DIP2C: variants seen among roughly 807,000 people sequenced by gnomAD.
The protein encoded by DIP2C is DIP2 acetate--CoA ligase C (putative).
A neutral mutation model predicts 192.4 loss-of-function variants in DIP2C; 33 were observed. The ratio of observed to expected loss-of-function variants is 0.17; its 90% CI spans 0.13 to 0.23. The LOEUF is 0.23. DIP2C is among the 10% of genes least tolerant of loss of function. DIP2C has a pLI of 1.00. For synonymous variants in DIP2C, 979 were observed against 864.1 expected, an observed-to-expected ratio of 1.13 and a Z score of -2.33; for missense variants, 1,537 against 2,110.1, an observed-to-expected ratio of 0.73 and a Z score of 5.32.
intron 1 of DIP2C, among the ~76,000 whole-genome samples, chr10:539,044 C>T (rs139217763): frequency 1.3e-5 from 2 of 151,944 alleles, no homozygotes; most frequent in Non-Finnish European, 2.9e-5. Context: ...ATCTGTTCTA[C>T]GAGCTCAGTT....
chr10:479,079 C>G (rs1843394978), intron 2 of DIP2C, among the ~76,000 whole-genome samples: 1 of 152,174 alleles, frequency 6.6e-6, no homozygotes, highest in Non-Finnish European at 1.5e-5. Context: ...TCAGGTCTGT[C>G]CCAGAGCAGT....
At chr10:537,733 G>A (rs1847771852) in intron 1 of DIP2C, among the ~76,000 whole-genome samples, 1 of 152,150 alleles carries the variant, frequency 6.6e-6, no homozygotes, top group African/African-American at 2.4e-5. Context: ...CCATTGCTCT[G>A]GCAATAAGCA....
At chr10:507,691 T>G (rs1845712671) in intron 1 of DIP2C, among the ~76,000 whole-genome samples, 1 of 152,216 alleles carries the variant, frequency 6.6e-6, no homozygotes, top group African/African-American at 2.4e-5. Context: ...ACGATACATA[T>G]GCGCACAGGT....
chr10:373,064 A>G (rs564331878), intron 17 of DIP2C, among the ~76,000 whole-genome samples: 5 of 152,346 alleles, frequency 3.3e-5, no homozygotes, highest in Non-Finnish European at 7.4e-5. Context: ...ATTCGGGCAC[A>G]GAAAGGTTGA....
rs1035350409 is a variant in DIP2C, at chr10:275,238, C to G, written c.*2087G>C. 1 of 152,236 alleles carries G rather than the reference C, an allele frequency of 6.6e-6. No individual in the cohort carries two copies. The highest frequency in any genetic ancestry group is 2.4e-5 in the African/African-American group (1 of 41,448). 9.4% of individuals were successfully genotyped at this position (152,236 alleles called of 1,614,324 possible). On this transcript the variant is annotated 3_prime_UTR_variant, in exon 37 of 37. Transcript: ENST00000280886. Reference sequence around the variant, plus strand: ...TTCATAGTCAGTGCCTGGCCTGAAGCCCCAAACCTACCTCCCTTTCAACAA... The same window carrying G: ...TTCATAGTCAGTGCCTGGCCTGAAGGCCCAAACCTACCTCCCTTTCAACAA...
intron 31 of DIP2C, among the ~76,000 whole-genome samples, chr10:312,746 G>A (rs774207146): frequency 6.6e-6 from 1 of 152,116 alleles, no homozygotes; most frequent in Non-Finnish European, 1.5e-5. Flanking sequence ...AAAGTAACTC[G>A]CCAATAAAGG....
Position 440,846 on chromosome 10 carries a change from CCGTGTCGGGGAG to C in DIP2C, c.394+13_394+24del, listed in dbSNP as rs1333565904. The C allele has an allele frequency of 1.2e-6, 2 of 1,600,850 alleles. No homozygotes were observed. The highest frequency in any genetic ancestry group is 2.3e-5 in the South Asian group (2 of 88,586). ...TGAGGTGCCCGGCACATTCAGGAGG[CCGTGTCGGGGAG>C]CGTGTCCCTTACCTGGAGGGGTGTA... On this transcript the variant is annotated intron_variant, in intron 4 of 36. Transcript: ENST00000280886.
intron 1 of DIP2C, among the ~76,000 whole-genome samples, chr10:537,249 G>A (rs1320783580): frequency 6.6e-6 from 1 of 152,142 alleles, no homozygotes; most frequent in East Asian, 1.9e-4. Flanking sequence ...GAGGCAGTGG[G>A]ATCTAGAGCC....
intron 10 of DIP2C, among the ~76,000 whole-genome samples, chr10:394,159 C>T (rs1180362182): frequency 6.6e-6 from 1 of 152,224 alleles, no homozygotes; most frequent in Non-Finnish European, 1.5e-5. Flanking sequence ...GACAAATCAA[C>T]CACAGTGCCC....
chr10:435,741 C>T (rs1967126379), intron 4 of DIP2C, among the ~76,000 whole-genome samples: 1 of 152,186 alleles, frequency 6.6e-6, no homozygotes, highest in South Asian at 2.1e-4. Context: ...ACCTGAAACT[C>T]CCCAACTCCA....
At chr10:428,900 G>A (rs1966761185) in intron 4 of DIP2C, among the ~76,000 whole-genome samples, 1 of 151,962 alleles carries the variant, frequency 6.6e-6, no homozygotes. Flanking sequence ...AAACCCACCA[G>A]CAAAATTTCT....
chr10:513,551 C>T lies in DIP2C; in HGVS notation c.86-27021G>A, dbSNP rs557454467. On this transcript the variant is annotated intron_variant, in intron 1 of 36. Transcript: ENST00000280886. ...ACCGCAGCCCATGCTTCTTGTCCAC[C>T]GTGCCACACCGCGGTCCACTGCGCC... Among the ~76,000 whole-genome samples the T allele has an allele frequency of 7.2e-4, 109 of 152,284 alleles. 1 individual carries two copies. Among genetic ancestry groups the T allele is most frequent in the African/African-American group, 2.2e-3 (91 of 41,574 alleles).
chr10:383,989 G>T (rs777081954), intron 16 of DIP2C, 38 bp downstream of exon 16: 1 of 1,445,436 alleles, frequency 6.9e-7, no homozygotes, highest in Non-Finnish European at 9.1e-7. Context: ...AGACTCCACA[G>T]CCCGCCTGCC....
intron 1 of DIP2C, among the ~76,000 whole-genome samples, chr10:499,024 C>G (rs1300662820): frequency 2.6e-5 from 4 of 152,216 alleles, no homozygotes; most frequent in Non-Finnish European, 4.4e-5. Flanking sequence ...TTCTCAACCA[C>G]CAGTTTTCAT....
At chr10:383,970 A>G (rs1962622705) in intron 16 of DIP2C, 57 bp downstream of exon 16, 2 of 1,419,534 alleles carry the variant, frequency 1.4e-6, no homozygotes, top group Admixed American at 6.1e-5. Context: ...CACGAAAAAA[A>G]AAAAAAAAAG....
intron 29 of DIP2C, among the ~76,000 whole-genome samples, chr10:337,181 G>GTGTGTT (rs1312843417): frequency 7.3e-6 from 1 of 137,880 alleles, no homozygotes; most frequent in African/African-American, 2.7e-5. Flanking sequence ...GCATGCGTGT[G>GTGTGTT]GTGGAGGCCT....
At chr10:554,253 GAA>G (rs768472492) in intron 1 of DIP2C, among the ~76,000 whole-genome samples, 3 of 152,234 alleles carry the variant, frequency 2.0e-5, no homozygotes, top group Non-Finnish European at 4.4e-5. Flanking sequence ...CATCATAGGA[GAA>G]AAAGTATATG....
At chr10:432,704 T>C (rs1966877319) in intron 4 of DIP2C, among the ~76,000 whole-genome samples, 1 of 152,208 alleles carries the variant, frequency 6.6e-6, no homozygotes, top group Admixed American at 6.5e-5. Flanking sequence ...TACTTAGAAT[T>C]TAATTTGCTG....
intron 31 of DIP2C, among the ~76,000 whole-genome samples, chr10:320,818 C>T (rs936495624): frequency 3.3e-5 from 5 of 152,094 alleles, no homozygotes; most frequent in Non-Finnish European, 5.9e-5. Context: ...AGAGCAGAAG[C>T]GACATGGACA....
Sources: gnomAD v4.1 joint callset for allele counts (sites outside exome capture counted in the v4.1 genomes callset) on GRCh38, gnomAD v4.1.1 for gene constraint, MANE v1.5 for transcripts, NCBI Gene and HGNC (gene_info 2026-07-23, HGNC 2026-07-21) for gene names.